AGTPBP1: variants seen among roughly 807,000 people sequenced by gnomAD.
AGTPBP1 encodes the protein cytosolic carboxypeptidase 1.
Under a neutral mutation model 143.9 loss-of-function variants are expected in AGTPBP1, and 70 were observed. The ratio of observed to expected loss-of-function variants is 0.49; its 90% CI spans 0.40 to 0.59. AGTPBP1 has a LOEUF of 0.59. AGTPBP1 is among the 20% of genes least tolerant of loss of function. AGTPBP1 has a pLI of 0.00. For missense variants in AGTPBP1, 1,229 were observed against 1,464.5 expected, an observed-to-expected ratio of 0.84 and a Z score of 2.62; for synonymous variants, 463 against 500.2, an observed-to-expected ratio of 0.93 and a Z score of 0.99.
At chr9:85,747,128 A>G in the AGTPBP1 span, among the ~76,000 whole-genome samples, 14 of 152,240 alleles carry the variant, frequency 9.2e-5, no homozygotes, top group African/African-American at 2.9e-4. Context: ...AAGTATTGGG[A>G]TTACAGGCCT....
chr9:85,754,575 G>C, the AGTPBP1 span, among the ~76,000 whole-genome samples: 1 of 151,976 alleles, frequency 6.6e-6, no homozygotes, highest in African/African-American at 2.4e-5. Flanking sequence ...TTATTTTAGT[G>C]CCACCTTTTA....
chr9:85,748,685 G>T, the AGTPBP1 span, among the ~76,000 whole-genome samples: 1 of 152,184 alleles, frequency 6.6e-6, no homozygotes, highest in Admixed American at 6.5e-5. Context: ...CATATCCAAT[G>T]AACCACTAAA....
intron 1 of AGTPBP1, among the ~76,000 whole-genome samples, chr9:85,735,471 C>A (rs891544858): frequency 1.3e-5 from 2 of 152,122 alleles, no homozygotes; most frequent in Non-Finnish European, 2.9e-5. Context: ...GGCTGCCGCA[C>A]AACAATGTGA....
At chr9:85,561,323 G>T (rs565181352) in intron 25 of AGTPBP1, among the ~76,000 whole-genome samples, 46 of 150,820 alleles carry the variant, frequency 3.0e-4, no homozygotes, top group African/African-American at 1.1e-3. Context: ...GGGAGGCAGA[G>T]ATTGCAGTGA....
At chr9:85,749,354 A>G in the AGTPBP1 span, among the ~76,000 whole-genome samples, 12 of 152,226 alleles carry the variant, frequency 7.9e-5, no homozygotes, top group African/African-American at 2.6e-4. Flanking sequence ...TGACCCACTT[A>G]TGGGGGATAT....
intron 25 of AGTPBP1, among the ~76,000 whole-genome samples, chr9:85,564,593 C>A (rs1351218649): frequency 1.3e-5 from 2 of 152,200 alleles, no homozygotes; most frequent in Non-Finnish European, 2.9e-5. Flanking sequence ...AGAAATACTT[C>A]CCATTGTGTT....
At chr9:85,638,538 C>T (rs1196232370) in intron 13 of AGTPBP1, among the ~76,000 whole-genome samples, 1 of 151,868 alleles carries the variant, frequency 6.6e-6, no homozygotes, top group Admixed American at 6.6e-5. Flanking sequence ...GATCTAAATG[C>T]TCCAGTTAAA....
At chr9:85,770,973 C>T in the AGTPBP1 span, among the ~76,000 whole-genome samples, 2 of 152,188 alleles carry the variant, frequency 1.3e-5, no homozygotes, top group African/African-American at 4.8e-5. Context: ...ATTTTATTAA[C>T]CTGAATGTGC....
At chr9:85,653,270 G>A (rs574902562) in intron 11 of AGTPBP1, among the ~76,000 whole-genome samples, 2 of 151,824 alleles carry the variant, frequency 1.3e-5, no homozygotes, top group East Asian at 3.9e-4. Context: ...AAAACAGAAT[G>A]AGAGTATTTT....
the AGTPBP1 span, among the ~76,000 whole-genome samples, chr9:85,784,049 C>G: frequency 1.3e-5 from 2 of 152,186 alleles, no homozygotes; most frequent in Non-Finnish European, 2.9e-5. Context: ...GATGGTCATC[C>G]CTCTGTTACA....
intron 8 of AGTPBP1, among the ~76,000 whole-genome samples, chr9:85,665,921 A>G (rs1390890982): frequency 2.0e-5 from 3 of 152,168 alleles, no homozygotes; most frequent in South Asian, 2.1e-4. Flanking sequence ...CTGAAATTCT[A>G]TAACACTTAT....
chr9:85,770,212 T>G, the AGTPBP1 span: 1 of 973,254 alleles, frequency 1.0e-6, no homozygotes. Flanking sequence ...AATAGTTTAG[T>G]AGTATCTGAG....
rs186172288 is a variant in AGTPBP1, at chr9:85,549,050, T to C, written c.3504-1764A>G. ...TTCATTCTTCCTCCTTGAGTTTGTA[T>C]TTCAAATTCTCAGAGGAGTCCCAGG... On this transcript the variant is annotated intron_variant, in intron 25 of 25. Transcript: ENST00000357081. Among the ~76,000 whole-genome samples, 622 of 152,300 alleles carry C rather than the reference T, an allele frequency of 4.1e-3. 6 individuals carry two copies. The highest frequency in any genetic ancestry group is 4.6e-3 in the Admixed American group (70 of 15,288).
the AGTPBP1 span, among the ~76,000 whole-genome samples, chr9:85,778,008 T>C: frequency 2.6e-5 from 4 of 152,306 alleles, no homozygotes; most frequent in East Asian, 7.7e-4. Context: ...CCTAGTCTTC[T>C]CTTCCCCTGT....
intron 11 of AGTPBP1, among the ~76,000 whole-genome samples, chr9:85,649,070 T>C (rs1832991118): frequency 6.6e-6 from 1 of 152,128 alleles, no homozygotes. Context: ...TACCAATAAT[T>C]AACAATATTA....
intron 2 of AGTPBP1, among the ~76,000 whole-genome samples, chr9:85,706,315 G>A (rs945392735): frequency 3.3e-5 from 5 of 150,654 alleles, no homozygotes; most frequent in Admixed American, 3.3e-4. Flanking sequence ...TTCAAGACCA[G>A]CCTTGCCAAG....
chr9:85,794,741 G>A, the AGTPBP1 span, among the ~76,000 whole-genome samples: 85 of 152,256 alleles, frequency 5.6e-4, no homozygotes, highest in Middle Eastern at 3.4e-3. Flanking sequence ...GGGGAGTACT[G>A]CCATCTTAGC....
chr9:85,754,384 G>T, the AGTPBP1 span, among the ~76,000 whole-genome samples: 3 of 152,142 alleles, frequency 2.0e-5, no homozygotes, highest in Non-Finnish European at 4.4e-5. Flanking sequence ...TAGAGACGGG[G>T]TTTCACCATG....
At position 85,655,181 on chromosome 9, in the gene AGTPBP1, G is replaced by C; in HGVS notation, c.1049C>G (p.Thr350Ser). ...GCTGTAGAGCTGAGCCACAGGACCA[G>C]TCACAGGAATAACAGGCAACTGGAA... The part of the protein sequence containing the change: ...FHFQLPVIPV[T>S]GPVAQLYSLP... The change falls in exon 11 of 26, where the codon ACT (threonine) becomes AGT (serine). Residue 350 changes from threonine to serine, a missense_variant. Transcript: ENST00000357081. 1 of 1,613,648 alleles carries C rather than the reference G, an allele frequency of 6.2e-7. No individual in the cohort carries two copies. Among genetic ancestry groups the C allele is most frequent in the Non-Finnish European group, 8.5e-7 (1 of 1,179,720 alleles).
Sources: allele counts gnomAD v4.1 joint callset (sites outside exome capture counted in the v4.1 genomes callset), GRCh38; gene constraint gnomAD v4.1.1; transcripts MANE v1.5; gene names NCBI Gene and HGNC (gene_info 2026-07-23, HGNC 2026-07-21).